The following DCC variants were observed in gnomAD, a reference collection of about 807,000 sequenced individuals.
DCC encodes the protein netrin receptor DCC.
A neutral mutation model predicts 172.5 loss-of-function variants in DCC; 58 were observed. That is an observed-to-expected ratio of 0.34 (90% CI 0.27 to 0.42). The LOEUF (loss-of-function observed/expected upper bound fraction) is 0.42, where lower values mean the gene tolerates loss of function less well. Among genes scored for constraint, DCC ranks in the 10% least tolerant of loss-of-function variants. The probability of loss-of-function intolerance (pLI) is 1.00; values close to 1 mark genes in which losing one functional copy is unlikely to be tolerated. For synonymous variants in DCC, 709 were observed against 644.5 expected (o/e 1.10, Z -1.52); for missense variants, 1,740 against 1,791.0 (o/e 0.97, Z 0.51).
At chr18:53,410,982 T>C (rs542972422) in intron 20 of DCC, among the ~76,000 whole-genome samples, 1 of 152,304 alleles carries the variant, frequency 6.6e-6, no homozygotes, top group Admixed American at 6.5e-5. Flanking sequence ...TATTGAATTA[T>C]GTGAATAGCA....
At chr18:52,353,045 C>A (rs1984195598) in intron 1 of DCC, among the ~76,000 whole-genome samples, 1 of 152,192 alleles carries the variant, frequency 6.6e-6, no homozygotes, top group African/African-American at 2.4e-5. Context: ...CAATGGGAAA[C>A]TGCCCCTACC....
At chr18:52,470,313 C>G (rs1448565217) in intron 1 of DCC, among the ~76,000 whole-genome samples, 1 of 152,120 alleles carries the variant, frequency 6.6e-6, no homozygotes, top group Non-Finnish European at 1.5e-5. Flanking sequence ...CTGTGAATGT[C>G]TCCCCTTTTG....
chr18:53,099,849 C>G (rs1200780072), intron 7 of DCC, among the ~76,000 whole-genome samples: 2 of 151,370 alleles, frequency 1.3e-5, no homozygotes, highest in East Asian at 3.9e-4. Flanking sequence ...GCCTTGGAGT[C>G]TGAACTAGCA....
At position 52,416,338 on chromosome 18, in the gene DCC, A is replaced by G. The variant is rs1987027967; in HGVS notation, c.91+75460A>G. ...TAGGTGTGGTGTGGTGCTGAAAAAA[A>G]TGTATATTCTGTTGATTTGGGGTGG... On this transcript the variant is annotated intron_variant, in intron 1 of 28. Coordinates refer to ENST00000442544, the MANE Select transcript of DCC (RefSeq NM_005215.4). Among the ~76,000 whole-genome samples, 4 of 151,742 alleles carry G rather than the reference A, an allele frequency of 2.6e-5. No homozygotes were observed. The South Asian group carries it at 8.3e-4, about 32-fold the overall frequency.
At chr18:52,387,744 C>T (rs1044429228) in intron 1 of DCC, among the ~76,000 whole-genome samples, 2 of 151,878 alleles carry the variant, frequency 1.3e-5, no homozygotes, top group Non-Finnish European at 2.9e-5. Context: ...TTGTTTGAGG[C>T]CTATTGCAAT....
At chr18:53,330,483 G>A (rs1335659665) in intron 14 of DCC, among the ~76,000 whole-genome samples, 1 of 152,158 alleles carries the variant, frequency 6.6e-6, no homozygotes, top group African/African-American at 2.4e-5. Context: ...TCACCTGAAA[G>A]TAGCCTCAGG....
chr18:52,792,674 G>A (rs201137333), intron 2 of DCC, among the ~76,000 whole-genome samples: 2 of 151,010 alleles, frequency 1.3e-5, no homozygotes, highest in Middle Eastern at 3.4e-3. Context: ...GCATGCTAAT[G>A]GTATTTTTAA....
At chr18:52,666,478 T>G (rs1399411112) in intron 1 of DCC, among the ~76,000 whole-genome samples, 5 of 152,210 alleles carry the variant, frequency 3.3e-5, no homozygotes, top group Non-Finnish European at 5.9e-5. Context: ...TAATTTGCTT[T>G]CATATTTATA....
intron 12 of DCC, among the ~76,000 whole-genome samples, chr18:53,260,517 G>A (rs1257304221): frequency 2.0e-5 from 3 of 152,070 alleles, no homozygotes; most frequent in Non-Finnish European, 4.4e-5. Flanking sequence ...GCAAAATAGC[G>A]AATATTGGTG....
Position 53,256,064 on chromosome 18 carries a change from G to A in DCC, c.1911+40467G>A, listed in dbSNP as rs191298980. Reference sequence around the variant, plus strand: ...CACCCACTTTTTGATGGGGTTGTTTGTTTTTTTCTTGTAAATTTGTTTGAG... The same window carrying A: ...CACCCACTTTTTGATGGGGTTGTTTATTTTTTTCTTGTAAATTTGTTTGAG... On this transcript the variant is annotated intron_variant, in intron 12 of 28. Transcript: ENST00000442544. 1.2e-3 allele frequency among the ~76,000 whole-genome samples: 190 copies of A among 152,168 alleles called. 1 individual carries two copies. Among genetic ancestry groups the A allele is most frequent in the African/African-American group, 4.0e-3 (168 of 41,500 alleles).
rs188386540 is a variant in DCC at position 53,351,368 on chromosome 18, T to A, written c.2359+11461T>A. Among the ~76,000 whole-genome samples the A allele has an allele frequency of 2.8e-3, 131 of 47,284 alleles. 7 individuals carry two copies. The highest frequency in any genetic ancestry group is 8.9e-3 in the African/African-American group (120 of 13,466). The allele number at this position is 47,284 out of a possible 152,430, so 31.0% of individuals were successfully genotyped here. ...ATATATACACAGTATATATATATAC[T>A]GTATATATATATACAGTATATATAT... On this transcript the variant is annotated intron_variant, in intron 15 of 28. Coordinates refer to ENST00000442544, the MANE Select transcript of DCC (RefSeq NM_005215.4).
intron 5 of DCC, among the ~76,000 whole-genome samples, chr18:53,060,117 C>A (rs1408300030): frequency 6.6e-6 from 1 of 152,110 alleles, no homozygotes; most frequent in African/African-American, 2.4e-5. Flanking sequence ...GATTCTCATG[C>A]CTCAGCCTCC....
Position 52,923,779 on chromosome 18 carries a change from C to T in DCC, c.770C>T (p.Ala257Val). The stretch of plus-strand genomic sequence containing the variant: ...GTAGTAGCCATTGAAGGAAAAGATG[C>T]TGTCCTGGAATGTTGTGTTTCTGGC... ...SNVVAIEGKD[A>V]VLECCVSGYP... Residue 257 changes from alanine (A) to valine (V), a missense_variant, in exon 4 of 29, where the codon GCT becomes GTT. By Grantham distance (64) the Ala-to-Val change is moderately conservative. Coordinates refer to ENST00000442544, the MANE Select transcript of DCC (RefSeq NM_005215.4). 1.2e-6 allele frequency: 2 copies of T among 1,612,342 alleles called. No individual in the cohort carries two copies. The highest frequency in any genetic ancestry group is 1.7e-6 in the Non-Finnish European group (2 of 1,178,606).
chr18:53,489,811 T>TTA (rs2045940929), intron 26 of DCC, among the ~76,000 whole-genome samples: 1 of 152,228 alleles, frequency 6.6e-6, no homozygotes, highest in African/African-American at 2.4e-5. Flanking sequence ...ATATTTATAT[T>TTA]TATATAGTTG....
intron 1 of DCC, among the ~76,000 whole-genome samples, chr18:52,421,809 T>C (rs1197007324): frequency 6.6e-6 from 1 of 152,116 alleles, no homozygotes; most frequent in Non-Finnish European, 1.5e-5. Context: ...ATTTGTTTGG[T>C]TTGTTTTGTT....
In DCC at chr18:52,392,298, C is replaced by T. The variant is rs555604875; in HGVS notation, c.91+51420C>T. Reference sequence around the variant, plus strand: ...ATAACAGAAAATCCTCTATCTGTGCCGAAGGGTGGCAGTTGCATGAGTCAC... The same window carrying T: ...ATAACAGAAAATCCTCTATCTGTGCTGAAGGGTGGCAGTTGCATGAGTCAC... On this transcript the variant is annotated intron_variant, in intron 1 of 28. Transcript: ENST00000442544. Among the ~76,000 whole-genome samples, 49 of 152,014 alleles carry T rather than the reference C, an allele frequency of 3.2e-4. No homozygotes were observed. The South Asian group carries it at 5.4e-3, about 17-fold the overall frequency.
At chr18:52,366,951 G>A (rs1434501204) in intron 1 of DCC, among the ~76,000 whole-genome samples, 2 of 152,236 alleles carry the variant, frequency 1.3e-5, no homozygotes, top group Non-Finnish European at 2.9e-5. Flanking sequence ...CCGTGGAGCA[G>A]GGGGTGGTGC....
chr18:52,747,434 T>G (rs1451463774), intron 1 of DCC, among the ~76,000 whole-genome samples: 2 of 152,238 alleles, frequency 1.3e-5, no homozygotes, highest in Non-Finnish European at 2.9e-5. Context: ...ATTGTAATTC[T>G]AATATGAAAT....
chr18:52,779,403 T>C lies in DCC; in HGVS notation c.412+27029T>C, dbSNP rs142160671. On this transcript the variant is annotated intron_variant, in intron 2 of 28. Coordinates refer to ENST00000442544, the MANE Select transcript of DCC (RefSeq NM_005215.4). ...CCCATTTAGGAGTGAGAACATGCAG[T>C]GTTTGATTTCCTGTTCCTGTGTTAG... Among the ~76,000 whole-genome samples, 338 of 152,306 alleles carry C rather than the reference T, an allele frequency of 2.2e-3. 3 individuals are homozygous for C. The highest frequency in any genetic ancestry group is 7.3e-4 in the Non-Finnish European group (50 of 68,032).
Sources: allele counts gnomAD v4.1 joint callset (sites outside exome capture counted in the v4.1 genomes callset), GRCh38; gene constraint gnomAD v4.1.1; transcripts MANE v1.5; gene names NCBI Gene and HGNC (gene_info 2026-07-23, HGNC 2026-07-21).